The following ZAN variants were observed in gnomAD, a reference collection of about 807,000 sequenced individuals.
The protein encoded by ZAN is zonadhesin (gene/pseudogene).
In ZAN, 260 loss-of-function variants were observed where a neutral mutation model predicts 286.2. The observed-to-expected ratio is 0.91, with a 90% CI of 0.82 to 1.01. ZAN has a LOEUF of 1.01. Among genes scored for constraint, ZAN ranks in the 50% least tolerant of loss-of-function variants. The probability of loss-of-function intolerance (pLI) is 0.00; values close to 1 mark genes in which losing one functional copy is unlikely to be tolerated. For synonymous variants in ZAN, 1,368 were observed against 1,417.5 expected (o/e 0.97, Z 0.79); for missense variants, 3,410 against 3,639.2 (o/e 0.94, Z 1.62).
chr7:100,764,059 TC>T lies in ZAN; in HGVS notation c.4131del (p.Phe1378SerfsTer25), dbSNP rs1291212026. The T allele has an allele frequency of 5.6e-6, 9 of 1,613,750 alleles. No individual in the cohort carries two copies. Among genetic ancestry groups the T allele is most frequent in the Non-Finnish European group, 6.8e-6 (8 of 1,179,844 alleles). On this transcript the variant is annotated frameshift_variant, in exon 22 of 48. Transcript: ENST00000613979. LOFTEE classifies it high-confidence loss of function. ...TCLLHVKAAS[F>X]FDSCMLDMCG... ...CTGCTGCACGTGAAGGCCGCTTCCT[TC>T]TTCGACAGCTGCATGCTTGATATGT... is the stretch of plus-strand genomic sequence containing the variant.
At chr7:100,744,097 CTTTAT>C (rs1808010011) in intron 7 of ZAN, among the ~76,000 whole-genome samples, 2 of 150,704 alleles carry the variant, frequency 1.3e-5, no homozygotes, top group African/African-American at 2.4e-5. Context: ...CATTTCCACA[CTTTAT>C]TTTATTTTCT....
intron 11 of ZAN, among the ~76,000 whole-genome samples, chr7:100,749,653 T>A (rs71555301): frequency 0.32 from 22,587 of 71,662 alleles, 2,612 homozygotes; most frequent in African/African-American, 0.45. Flanking sequence ...AAAAAAAAAA[T>A]ATATATATAT....
At chr7:100,738,685 G>C in intron 7 of ZAN, 72 bp downstream of exon 7, 1 of 1,401,846 alleles carries the variant, frequency 7.1e-7, no homozygotes, top group South Asian at 1.2e-5. Flanking sequence ...GCCCTGGGAC[G>C]GTCTGTCATG....
At chr7:100,749,425 G>A (rs1808456405) in intron 11 of ZAN, among the ~76,000 whole-genome samples, 1 of 151,738 alleles carries the variant, frequency 6.6e-6, no homozygotes, top group Non-Finnish European at 1.5e-5. Context: ...CGGATCACAA[G>A]GTCAGGAGAT....
chr7:100,792,508 G>A (rs776195518), intron 42 of ZAN, 29 bp downstream of exon 42: 37 of 1,612,784 alleles, frequency 2.3e-5, no homozygotes, highest in South Asian at 3.3e-5. Flanking sequence ...GGAGGCGGGC[G>A]CTGCCCTGGC....
chr7:100,770,294 G>A (rs1310243728), intron 28 of ZAN, among the ~76,000 whole-genome samples: 1 of 151,780 alleles, frequency 6.6e-6, no homozygotes, highest in Non-Finnish European at 1.5e-5. Flanking sequence ...CCCGAGGTCA[G>A]GAGTTCGAGA....
chr7:100,748,093 G>A, intron 9 of ZAN, 44 bp from the exon 10 acceptor site: 5 of 1,547,014 alleles, frequency 3.2e-6, no homozygotes, highest in Non-Finnish European at 3.6e-6. Context: ...GCTTGGGGGT[G>A]TGGGCTGTGT....
intron 11 of ZAN, among the ~76,000 whole-genome samples, chr7:100,749,639 CAA>C (rs762868522): frequency 1.3e-4 from 9 of 66,884 alleles, no homozygotes; most frequent in Admixed American, 1.1e-3. Flanking sequence ...GACTCCGTCT[CAA>C]AAAAAAAAAA....
In ZAN at chr7:100,795,293, C is replaced by T. The variant is rs760111307; in HGVS notation, c.8223C>T (p.Gly2741=). Residue 2741 remains glycine (G), a synonymous_variant, in exon 45 of 48, where the codon GGC becomes GGT. Coordinates refer to ENST00000613979, the MANE Select transcript of ZAN (RefSeq NM_003386.3). The stretch of plus-strand genomic sequence containing the variant: ...AGTGTGAAGTTGGTTACGGGGGAGG[C>T]CTGTGTATGGAGCCTCGAGATGCGC... ...TCECEVGYGG[G]LCMEPRDAPP... is the part of the protein sequence containing the mutation. 2 of 1,610,052 alleles carry T rather than the reference C, an allele frequency of 1.2e-6. No individual in the cohort carries two copies. The highest frequency in any genetic ancestry group is 1.7e-6 in the Non-Finnish European group (2 of 1,178,084).
chr7:100,735,816 C>A (rs761831832), intron 3 of ZAN, 44 bp downstream of exon 3: 1 of 1,372,024 alleles, frequency 7.3e-7, no homozygotes, highest in South Asian at 1.2e-5. Context: ...CTCCCTCCTC[C>A]GAACCCACAT....
Position 100,763,985 on chromosome 7 carries a change from C to T in ZAN, c.4098-42C>T, listed in dbSNP as rs754955673. 3 of 1,613,768 alleles carry T rather than the reference C, an allele frequency of 1.9e-6. No individual in the cohort carries two copies. The highest frequency in any genetic ancestry group is 1.3e-5 in the African/African-American group (1 of 75,054). On this transcript the variant is annotated intron_variant, in intron 21 of 47. Transcript: ENST00000613979. This position sits in a 1 kb window ranked among gnomAD's most constrained non-coding sequence, Gnocchi z 4.6. ...CACCTGGGCTCCTCCAAGGCTCTACCCCCTTCCACTGCATTCCCCCTGACT... is the reference window on the plus strand; with the variant it reads ...CACCTGGGCTCCTCCAAGGCTCTACTCCCTTCCACTGCATTCCCCCTGACT...
intron 45 of ZAN, among the ~76,000 whole-genome samples, chr7:100,796,449 G>A (rs1236181861): frequency 1.4e-5 from 2 of 144,552 alleles, no homozygotes; most frequent in Admixed American, 7.2e-5. Flanking sequence ...TTGAGTCTTG[G>A]TCTGTTGCCC....
At chr7:100,757,066 C>T (rs1374684763) in intron 15 of ZAN, among the ~76,000 whole-genome samples, 3 of 152,228 alleles carry the variant, frequency 2.0e-5, no homozygotes, top group Non-Finnish European at 4.4e-5. Context: ...CCGCGCCTGG[C>T]TGTATTCACT....
chr7:100,751,646 A>G (rs1464259070), intron 13 of ZAN, 66 bp from the exon 14 acceptor site: 6 of 1,498,284 alleles, frequency 4.0e-6, no homozygotes, highest in Non-Finnish European at 4.4e-6. Flanking sequence ...CTCCAGTTAG[A>G]TGGCAGTAAA....
At chr7:100,769,085 T>A (rs1221954655) in intron 27 of ZAN, among the ~76,000 whole-genome samples, 1 of 151,654 alleles carries the variant, frequency 6.6e-6, no homozygotes, top group Admixed American at 6.6e-5. Flanking sequence ...CTGTCCACTT[T>A]TTGTTTTGTT....
intron 33 of ZAN, 120 bp downstream of exon 33, chr7:100,775,953 A>G: frequency 5.2e-6 from 7 of 1,337,312 alleles, no homozygotes; most frequent in Non-Finnish European, 7.1e-6. Flanking sequence ...CTCAGGATGG[A>G]GCAGGGCAGT....
chr7:100,743,301 C>A (rs1352888695), intron 7 of ZAN, among the ~76,000 whole-genome samples: 1 of 152,064 alleles, frequency 6.6e-6, no homozygotes, highest in Non-Finnish European at 1.5e-5. Flanking sequence ...GGATTACAAG[C>A]GTAAGCCACC....
chr7:100,755,252 G>A lies in ZAN; in HGVS notation c.3151G>A (p.Glu1051Lys), dbSNP rs368072574. Reference sequence around the variant, plus strand: ...GCGCTGCCCTCCAAATGCCCGCTACGAATCCTGTGCTTGTCCTGCTTCGTG... The same window carrying A: ...GCGCTGCCCTCCAAATGCCCGCTACAAATCCTGTGCTTGTCCTGCTTCGTG... ...TERCPPNARYESCACPASCKS... is the reference protein window; with the variant it reads ...TERCPPNARYKSCACPASCKS... Residue 1051 changes from glutamate (E) to lysine (K), a missense_variant, in exon 15 of 48, where the codon GAA (glutamate) becomes AAA (lysine). Coordinates refer to ENST00000613979, the MANE Select transcript of ZAN (RefSeq NM_003386.3). The A allele has an allele frequency of 8.7e-6, 14 of 1,613,320 alleles. No homozygotes were observed. Among genetic ancestry groups the A allele is most frequent in the Admixed American group, 1.7e-5 (1 of 59,922 alleles).
In ZAN at chr7:100,740,299, T is replaced by A. The variant is rs1176236110; in HGVS notation, c.766+1686T>A. On this transcript the variant is annotated intron_variant, in intron 7 of 47. Coordinates refer to ENST00000613979, the MANE Select transcript of ZAN (RefSeq NM_003386.3). ...GACTTGATCTGACTTATTTATTTTTTTTTTTTTAATTTATTTTTTTATTGA... is the reference window on the plus strand; with the variant it reads ...GACTTGATCTGACTTATTTATTTTTATTTTTTTAATTTATTTTTTTATTGA... Among the ~76,000 whole-genome samples the A allele has an allele frequency of 1.5e-5, 2 of 129,774 alleles. 1 individual carries two copies. The highest frequency in any genetic ancestry group is 3.3e-5 in the Non-Finnish European group (2 of 61,470). The allele number at this position is 129,774 out of a possible 152,430, so 85.1% of individuals were successfully genotyped here.
Sources: gnomAD v4.1 joint callset for allele counts (sites outside exome capture counted in the v4.1 genomes callset) on GRCh38, gnomAD v4.1.1 for gene constraint, Gnocchi (gnomAD v3.1) non-coding constraint, MANE v1.5 for transcripts, NCBI Gene and HGNC (gene_info 2026-07-23, HGNC 2026-07-21) for gene names.